The following AGBL2 variants were observed in gnomAD, a reference collection of about 807,000 sequenced individuals.
AGBL2 encodes the protein cytosolic carboxypeptidase 2.
In AGBL2, 87 loss-of-function variants were observed where a neutral mutation model predicts 103.0. The observed-to-expected ratio is 0.84, with a 90% confidence interval of 0.71 to 1.01. The LOEUF (loss-of-function observed/expected upper bound fraction) is 1.01, where lower values mean the gene tolerates loss of function less well. Among genes scored for constraint, AGBL2 ranks in the 50% least tolerant of loss-of-function variants. The pLI is 0.00. For missense variants in AGBL2, 904 were observed against 1,023.5 expected (o/e 0.88, Z 1.59); for synonymous variants, 335 against 356.7 (o/e 0.94, Z 0.69).
chr11:47,704,559 T>A lies in AGBL2; in HGVS notation c.570A>T (p.Glu190Asp). The A allele has an allele frequency of 6.2e-7, 1 of 1,613,586 alleles. No individual in the cohort carries two copies. Among genetic ancestry groups the A allele is most frequent in the Non-Finnish European group, 8.5e-7 (1 of 1,179,776 alleles). Reference protein sequence around the residue: ...RWPIECEVIKENIHHIEWAPP... With the variant: ...RWPIECEVIKDNIHHIEWAPP... ...TCATATTACCAATATGATGGATGTT[T>A]TCCTTGATGACCTCACATTCAATTG... The change falls in exon 7 of 19, where the codon GAA (glutamate) becomes GAT (aspartate). Residue 190 changes from glutamate (E) to aspartate (D), a missense_variant. Coordinates refer to ENST00000525123, the MANE Select transcript of AGBL2 (RefSeq NM_024783.4).
chr11:47,674,957 C>T (rs1214450814), intron 14 of AGBL2, among the ~76,000 whole-genome samples: 1 of 152,060 alleles, frequency 6.6e-6, no homozygotes, highest in Non-Finnish European at 1.5e-5. Context: ...TGGTCTTGAA[C>T]TCCTGACATC....
At chr11:47,670,080 G>T (rs2097352820) in intron 14 of AGBL2, among the ~76,000 whole-genome samples, 1 of 152,240 alleles carries the variant, frequency 6.6e-6, no homozygotes, top group Non-Finnish European at 1.5e-5. Context: ...GGGCAGAATT[G>T]CCCTTGGTGG....
rs376211051 is a variant in AGBL2 at position 47,692,181 on chromosome 11, G to A, written c.770C>T (p.Thr257Met). The A allele has an allele frequency of 1.1e-5, 17 of 1,613,480 alleles. No homozygotes were observed. Among genetic ancestry groups the A allele is most frequent in the Middle Eastern group, 1.6e-4 (1 of 6,084 alleles). The change falls in exon 9 of 19, where the codon ACG becomes ATG. Residue 257 changes from threonine to methionine, a missense_variant. By Grantham distance (81) the Thr-to-Met change is moderately conservative. Transcript: ENST00000525123. ...AGTATTATCTTCTGGTCCTTGCAACGTGACAGCAAGTTCCTTGACAATTCC... is the reference window on the plus strand; with the variant it reads ...AGTATTATCTTCTGGTCCTTGCAACATGACAGCAAGTTCCTTGACAATTCC... ...KRGIVKELAV[T>M]LQGPEDNTLL...
rs557461993 is a variant in AGBL2, at chr11:47,688,136, A to T, written c.1631+1940T>A. ...TATTTCTTTATAGCAATGCAAATAC[A>T]ACCTAATACACGGGGTCTCACTGTG... On this transcript the variant is annotated intron_variant, in intron 10 of 18. Transcript: ENST00000525123. Among the ~76,000 whole-genome samples the T allele has an allele frequency of 6.6e-5, 10 of 151,962 alleles. No individual in the cohort carries two copies. In the South Asian group the frequency reaches 2.1e-3, roughly 32 times the overall value.
At chr11:47,672,429 C>A (rs928025861) in intron 14 of AGBL2, among the ~76,000 whole-genome samples, 39 of 152,086 alleles carry the variant, frequency 2.6e-4, no homozygotes, top group African/African-American at 8.9e-4. Context: ...ATCCTCTCAC[C>A]TTAGCCTCCC....
Position 47,678,343 on chromosome 11 carries a change from A to ATTTTTTTTTTTTTTTTTTTTTT in AGBL2, c.2017-943_2017-942insAAAAAAAAAAAAAAAAAAAAAA, listed in dbSNP as rs1440515781. Among the ~76,000 whole-genome samples, 116 of 116,828 alleles carry ATTTTTTTTTTTTTTTTTTTTTT rather than the reference A, an allele frequency of 9.9e-4. 1 individual carries two copies. The South Asian group carries it at 0.024, about 24-fold the overall frequency. The allele number at this position is 116,828 out of a possible 152,430, so 76.6% of individuals were successfully genotyped here. On this transcript the variant is annotated intron_variant, in intron 13 of 18. Coordinates refer to ENST00000525123, the MANE Select transcript of AGBL2 (RefSeq NM_024783.4). ...TTATTTTATTTTATTTTATTATTTT[A>ATTTTTTTTTTTTTTTTTTTTTT]TTTTTTTTGAGACGGAGTCTTGCTC...
intron 12 of AGBL2, 21 bp from the exon 13 acceptor site, chr11:47,680,094 G>T: frequency 7.5e-7 from 1 of 1,335,532 alleles, no homozygotes; most frequent in Non-Finnish European, 1.1e-6. Context: ...AAAAAACCCC[G>T]CAAACATTTC....
intron 7 of AGBL2, among the ~76,000 whole-genome samples, chr11:47,703,251 C>A (rs929051264): frequency 6.6e-6 from 1 of 151,910 alleles, no homozygotes; most frequent in Non-Finnish European, 1.5e-5. Flanking sequence ...GACAGGGTAG[C>A]ACCCCTGTAT....
intron 8 of AGBL2, among the ~76,000 whole-genome samples, chr11:47,694,068 T>A (rs2097458085): frequency 6.6e-6 from 1 of 152,188 alleles, no homozygotes; most frequent in Non-Finnish European, 1.5e-5. Context: ...GGTGGTGGTG[T>A]GCACCTGTAG....
chr11:47,680,184 G>C (rs534782970), intron 12 of AGBL2, 111 bp from the exon 13 acceptor site: 133 of 617,256 alleles, frequency 2.2e-4, no homozygotes, highest in Non-Finnish European at 3.5e-4. Flanking sequence ...AGGCGGGGTG[G>C]TTTACGCCTG....
At chr11:47,712,290 C>T (rs890172586) in intron 3 of AGBL2, among the ~76,000 whole-genome samples, 3 of 151,258 alleles carry the variant, frequency 2.0e-5, no homozygotes, top group African/African-American at 7.3e-5. Flanking sequence ...TAAGGGGGGA[C>T]TAATGTAGTT....
intron 13 of AGBL2, 25 bp from the exon 14 acceptor site, chr11:47,677,426 T>A: frequency 7.1e-7 from 1 of 1,408,400 alleles, no homozygotes; most frequent in Non-Finnish European, 9.3e-7. Flanking sequence ...AAAAGAACTA[T>A]TTTGTTAATT....
chr11:47,681,881 C>T (rs1000464813), intron 12 of AGBL2, 88 bp downstream of exon 12: 1 of 1,492,238 alleles, frequency 6.7e-7, no homozygotes. Flanking sequence ...CAGTTATCTC[C>T]CCAGCATTCA....
intron 8 of AGBL2, among the ~76,000 whole-genome samples, chr11:47,693,204 C>A (rs1216275754): frequency 6.6e-6 from 1 of 152,020 alleles, no homozygotes; most frequent in Non-Finnish European, 1.5e-5. Context: ...TGCTCTGTCA[C>A]CCAGGCTGGA....
At position 47,710,481 on chromosome 11, in the gene AGBL2, G is replaced by T; in HGVS notation, c.128C>A (p.Thr43Lys). 6.2e-7 allele frequency: 1 copy of T among 1,614,114 alleles called. No individual in the cohort carries two copies. Among genetic ancestry groups the T allele is most frequent in the Non-Finnish European group, 8.5e-7 (1 of 1,180,024 alleles). ...GTTATTCTTCCGAACATGCTGATGC[G>T]TAGCAGAGTTTGGTAAACTGCCTCT... Reference protein sequence around the residue: ...AQRGSLPNSATHQHVRKNNPQ... With the variant: ...AQRGSLPNSAKHQHVRKNNPQ... Residue 43 changes from threonine (T) to lysine (K), a missense_variant, in exon 4 of 19, where the codon ACG (threonine) becomes AAG (lysine). By Grantham distance (78) the Thr-to-Lys change is moderately conservative. Coordinates refer to ENST00000525123, the MANE Select transcript of AGBL2 (RefSeq NM_024783.4).
intron 7 of AGBL2, among the ~76,000 whole-genome samples, chr11:47,702,258 C>A (rs889225707): frequency 6.6e-6 from 1 of 152,140 alleles, no homozygotes; most frequent in African/African-American, 2.4e-5. Context: ...CCAAGCATGC[C>A]ATGCTCTTTT....
chr11:47,671,744 T>A (rs1037737368), intron 14 of AGBL2, among the ~76,000 whole-genome samples: 1 of 152,208 alleles, frequency 6.6e-6, no homozygotes, highest in Non-Finnish European at 1.5e-5. Context: ...TTCCCTGTTC[T>A]CACAAGGTGT....
intron 8 of AGBL2, among the ~76,000 whole-genome samples, chr11:47,697,581 T>C (rs2097480702): frequency 7.2e-6 from 1 of 138,818 alleles, no homozygotes; most frequent in Admixed American, 7.3e-5. Flanking sequence ...AGTCTTGCTC[T>C]GTCGCCCAGG....
At chr11:47,702,590 A>T (rs149568501) in intron 7 of AGBL2, among the ~76,000 whole-genome samples, 372 of 152,250 alleles carry the variant, frequency 2.4e-3, no homozygotes, top group Middle Eastern at 0.014. Context: ...AATGAGGAAC[A>T]TCCAGCTGGG....
Sources: gnomAD v4.1 joint callset for allele counts (sites outside exome capture counted in the v4.1 genomes callset) on GRCh38, gnomAD v4.1.1 for gene constraint, MANE v1.5 for transcripts, NCBI Gene and HGNC (gene_info 2026-07-23, HGNC 2026-07-21) for gene names.